The following CELF2 variants were observed in gnomAD, a reference collection of about 807,000 sequenced individuals.
The protein encoded by CELF2 is CUG triplet repeat RNA-binding protein 2.
Under a neutral mutation model 62.6 loss-of-function variants are expected in CELF2, and 8 were observed. That is an observed-to-expected ratio of 0.13 (90% CI 0.07 to 0.23). The LOEUF (loss-of-function observed/expected upper bound fraction) is 0.23, where lower values mean the gene tolerates loss of function less well. CELF2 is among the 10% of genes least tolerant of loss of function. The probability of loss-of-function intolerance (pLI) is 1.00; values close to 1 mark genes in which losing one functional copy is unlikely to be tolerated. For synonymous variants in CELF2, 258 were observed against 250.0 expected (o/e 1.03, Z -0.30); for missense variants, 333 against 671.0 (o/e 0.50, Z 5.56).
the CELF2 span, among the ~76,000 whole-genome samples, chr10:10,754,735 T>A: frequency 6.6e-6 from 1 of 152,214 alleles, no homozygotes; most frequent in African/African-American, 2.4e-5. Context: ...CTCCTTGCTC[T>A]TTAGCCTCAG....
At chr10:10,975,738 A>G (rs187789034) in intron 2 of CELF2, among the ~76,000 whole-genome samples, 3 of 152,348 alleles carry the variant, frequency 2.0e-5, no homozygotes. Context: ...CAGGACTGTG[A>G]GCCCCAAAGC....
rs529975591 is a variant in CELF2, at chr10:10,895,242, A to G, written c.54-24722A>G. Among the ~76,000 whole-genome samples, 538 of 152,312 alleles carry G rather than the reference A, an allele frequency of 3.5e-3. 2 individuals are homozygous for G. Among genetic ancestry groups the G allele is most frequent in the Non-Finnish European group, 5.8e-3 (395 of 68,028 alleles). ...CCATAAAGATATTTTCCCAAGTAAG[A>G]AATATTCACCATCTTGATGTGAATT... On this transcript the variant is annotated intron_variant, in intron 1 of 13. Transcript: ENST00000636488.
chr10:10,767,548 C>G, the CELF2 span, among the ~76,000 whole-genome samples: 643 of 152,082 alleles, frequency 4.2e-3, 4 homozygotes, highest in African/African-American at 9.7e-3. Flanking sequence ...AAGGGTGTGA[C>G]CAGAGAAAGA....
At chr10:10,511,698 A>G in the CELF2 span, among the ~76,000 whole-genome samples, 1 of 152,202 alleles carries the variant, frequency 6.6e-6, no homozygotes, top group South Asian at 2.1e-4. Context: ...ATTTCTTTCA[A>G]TCTATCTGCA....
intron 3 of CELF2, among the ~76,000 whole-genome samples, chr10:11,218,755 G>C (rs1409253834): frequency 6.6e-6 from 1 of 152,216 alleles, no homozygotes; most frequent in Non-Finnish European, 1.5e-5. Context: ...GTGGTTCTTA[G>C]TAAAGCTGTT....
At chr10:10,853,168 A>T (rs2059493143) in intron 1 of CELF2, among the ~76,000 whole-genome samples, 1 of 152,060 alleles carries the variant, frequency 6.6e-6, no homozygotes, top group Non-Finnish European at 1.5e-5. Context: ...TTTATTAGAG[A>T]TGGGGTTTCA....
At chr10:10,581,793 G>C in the CELF2 span, among the ~76,000 whole-genome samples, 1,735 of 152,254 alleles carry the variant, frequency 0.011, 60 homozygotes, top group East Asian at 0.098. Context: ...ACTTTGGGAG[G>C]CCAAGGTGGG....
chr10:10,666,151 A>G, the CELF2 span, among the ~76,000 whole-genome samples: 1 of 152,184 alleles, frequency 6.6e-6, no homozygotes, highest in Non-Finnish European at 1.5e-5. Flanking sequence ...CTGAGAGTGC[A>G]AATTTCATTC....
intron 1 of CELF2, among the ~76,000 whole-genome samples, chr10:11,072,830 ATT>A (rs911034849): frequency 1.3e-5 from 2 of 150,696 alleles, no homozygotes; most frequent in Non-Finnish European, 3.0e-5. Context: ...TTTTTTTTAC[ATT>A]ATAAAACGGA....
chr10:10,622,299 G>C, the CELF2 span, among the ~76,000 whole-genome samples: 1 of 152,158 alleles, frequency 6.6e-6, no homozygotes, highest in African/African-American at 2.4e-5. Context: ...TGCAAGGGTA[G>C]AGTGATTCTT....
At position 10,876,908 on chromosome 10, in the gene CELF2, G is replaced by T. The variant is rs576592475; in HGVS notation, c.54-43056G>T. 7.9e-5 allele frequency among the ~76,000 whole-genome samples: 12 copies of T among 152,368 alleles called. No homozygotes were observed. In the East Asian group the frequency reaches 2.1e-3, roughly 27 times the overall value. On this transcript the variant is annotated intron_variant, in intron 1 of 13. Coordinates refer to the CELF2 transcript ENST00000636488. Reference sequence around the variant, plus strand: ...CATGTGTGTTTGTGTGCAACACATGGTTGCATGTATGTAGGATGGAGATTC... The same window carrying T: ...CATGTGTGTTTGTGTGCAACACATGTTTGCATGTATGTAGGATGGAGATTC...
chr10:10,655,921 G>C, the CELF2 span, among the ~76,000 whole-genome samples: 24,450 of 94,622 alleles, frequency 0.26, 3,571 homozygotes, highest in South Asian at 0.47. Flanking sequence ...AAACTACCAT[G>C]AGAGTGAACA....
chr10:10,501,590 C>T, the CELF2 span, among the ~76,000 whole-genome samples: 1 of 151,802 alleles, frequency 6.6e-6, no homozygotes, highest in African/African-American at 2.4e-5. Flanking sequence ...TTTTAATTTC[C>T]ATGTGTTCAT....
At chr10:10,547,692 A>AGAGAGAGTGTGTGT in the CELF2 span, among the ~76,000 whole-genome samples, 79 of 138,112 alleles carry the variant, frequency 5.7e-4, 1 homozygote, top group African/African-American at 7.5e-4. Flanking sequence ...AGAGAGAGAG[A>AGAGAGAGTGTGTGT]GTGTGTGTGT....
chr10:11,292,769 C>T (rs907406925), intron 9 of CELF2, among the ~76,000 whole-genome samples: 1 of 152,206 alleles, frequency 6.6e-6, no homozygotes, highest in Non-Finnish European at 1.5e-5. Flanking sequence ...CCGCTGCCTG[C>T]CCCACCCTGC....
At chr10:11,258,489 A>G (rs980788095) in intron 5 of CELF2, among the ~76,000 whole-genome samples, 1 of 152,208 alleles carries the variant, frequency 6.6e-6, no homozygotes, top group South Asian at 2.1e-4. Flanking sequence ...TGCCACCATG[A>G]TAGAAGCAGA....
At chr10:10,842,792 A>T (rs1002158237) in intron 1 of CELF2, among the ~76,000 whole-genome samples, 1 of 152,048 alleles carries the variant, frequency 6.6e-6, no homozygotes, top group Non-Finnish European at 1.5e-5. Flanking sequence ...TATTAGAATA[A>T]TGCTGGCCTC....
Position 11,321,417 on chromosome 10 carries a change from C to T in CELF2, c.1294+31C>T, listed in dbSNP as rs902948125. 1.9e-6 allele frequency: 3 copies of T among 1,585,552 alleles called. No homozygotes were observed. The Admixed American group carries it at 5.0e-5, about 27-fold the overall frequency. On this transcript the variant is annotated intron_variant, in intron 11 of 12. Transcript: ENST00000633077. The surrounding 1 kb of genome is among the most constrained non-coding windows in gnomAD (Gnocchi z 6.2). ...TGCCGCCCTTGGCCCCAGGCAGGGC[C>T]CAGCCCAACAGGCAGCACTGGCCTC...
At chr10:11,027,917 T>C (rs1412426446) in intron 1 of CELF2, among the ~76,000 whole-genome samples, 4 of 152,172 alleles carry the variant, frequency 2.6e-5, no homozygotes, top group Non-Finnish European at 4.4e-5. Context: ...ACCTAAATAT[T>C]TTATAGCTTC....
Sources: gnomAD v4.1 joint callset for allele counts (sites outside exome capture counted in the v4.1 genomes callset) on GRCh38, gnomAD v4.1.1 for gene constraint, Gnocchi (gnomAD v3.1) non-coding constraint, MANE v1.5 for transcripts, NCBI Gene and HGNC (gene_info 2026-07-23, HGNC 2026-07-21) for gene names.